Variants in CCPG1 observed in about 807,000 individuals in gnomAD.
The protein encoded by CCPG1 is cell cycle progression protein 1.
CCPG1 carries 46 observed loss-of-function variants against 81.3 expected under a neutral mutation model. The ratio of observed to expected loss-of-function variants is 0.57; its 90% CI spans 0.45 to 0.72. The LOEUF (loss-of-function observed/expected upper bound fraction) is 0.72, where lower values mean the gene tolerates loss of function less well. Ranked by LOEUF, CCPG1 falls within the 30% of genes least tolerant of loss-of-function variation. The probability of loss-of-function intolerance (pLI) is 0.00; values close to 1 mark genes in which losing one functional copy is unlikely to be tolerated. For synonymous variants in CCPG1, 330 were observed against 305.2 expected (o/e 1.08, Z -0.85); for missense variants, 902 against 937.6 (o/e 0.96, Z 0.50).
At chr15:55,379,936 T>C (rs2056646096) in intron 3 of CCPG1, among the ~76,000 whole-genome samples, 1 of 151,668 alleles carries the variant, frequency 6.6e-6, no homozygotes, top group African/African-American at 2.4e-5. Flanking sequence ...CCGTTTCTAC[T>C]AAAAATACAA....
Position 55,377,089 on chromosome 15 carries a change from T to A in CCPG1, c.314A>T (p.Asp105Val). 2 of 1,613,754 alleles carry A rather than the reference T, an allele frequency of 1.2e-6. No individual in the cohort carries two copies. Among genetic ancestry groups the A allele is most frequent in the Non-Finnish European group, 1.7e-6 (2 of 1,179,738 alleles). The change falls in exon 5 of 9, where the codon GAT becomes GTT. Residue 105 changes from aspartate to valine, a missense_variant. Asp to Val is a radical substitution (Grantham distance 152). Coordinates refer to ENST00000442196, the MANE Select transcript of CCPG1 (RefSeq NM_001204450.2). ...CTTAGGTGGCTCAAGGGTAACAATA[T>A]CAGAATCATCACTGGCAGTTCCAAT... ...IYIGTASDDS[D>V]IVTLEPPKLE...
chr15:55,384,278 T>G (rs1318986679), intron 3 of CCPG1, among the ~76,000 whole-genome samples: 3 of 152,202 alleles, frequency 2.0e-5, no homozygotes, highest in Non-Finnish European at 2.9e-5. Context: ...CGGTTCATGG[T>G]GTCCCAAAGG....
At chr15:55,405,036 C>CT (rs2057190987) in intron 1 of CCPG1, among the ~76,000 whole-genome samples, 2 of 152,146 alleles carry the variant, frequency 1.3e-5, no homozygotes, top group Admixed American at 1.3e-4. Flanking sequence ...ACCAGCCCGG[C>CT]TAACATGGCA....
chr15:55,387,304 T>A (rs1214330920), intron 2 of CCPG1, among the ~76,000 whole-genome samples: 1 of 152,202 alleles, frequency 6.6e-6, no homozygotes, highest in Non-Finnish European at 1.5e-5. Flanking sequence ...TCCTATATTG[T>A]TAATTATCCT....
intron 3 of CCPG1, among the ~76,000 whole-genome samples, chr15:55,382,596 G>A (rs1183881125): frequency 2.0e-5 from 3 of 149,822 alleles, no homozygotes; most frequent in South Asian, 2.1e-4. Flanking sequence ...TGCAAGCTCC[G>A]CCTCCCAGGT....
intron 6 of CCPG1, among the ~76,000 whole-genome samples, chr15:55,366,744 C>A (rs1017394365): frequency 6.6e-6 from 1 of 152,128 alleles, no homozygotes; most frequent in African/African-American, 2.4e-5. Flanking sequence ...TGCACTCCAG[C>A]CTGGGCAACA....
intron 3 of CCPG1, among the ~76,000 whole-genome samples, chr15:55,383,728 A>C (rs2056746816): frequency 6.6e-6 from 1 of 152,144 alleles, no homozygotes; most frequent in Non-Finnish European, 1.5e-5. Flanking sequence ...AACCTCATGA[A>C]CCAACCTCAG....
intron 3 of CCPG1, among the ~76,000 whole-genome samples, chr15:55,380,364 C>A (rs1047824799): frequency 6.6e-6 from 1 of 150,842 alleles, no homozygotes; most frequent in Non-Finnish European, 1.5e-5. Flanking sequence ...GGCGCCGTCT[C>A]GGCTCACTGC....
At chr15:55,377,363 C>T (rs552377627) in intron 4 of CCPG1, among the ~76,000 whole-genome samples, 61 of 152,312 alleles carry the variant, frequency 4.0e-4, no homozygotes, top group African/African-American at 1.3e-3. Context: ...TTAGATCAGA[C>T]CACTGCATTC....
Position 55,389,367 on chromosome 15 carries a change from C to CAT in CCPG1, c.56_57dup (p.Glu20MetfsTer6). 1 of 1,594,744 alleles carries CAT rather than the reference C, an allele frequency of 6.3e-7. No individual in the cohort carries two copies. The highest frequency in any genetic ancestry group is 1.7e-5 in the Admixed American group (1 of 59,996). ...ATAAAAAGTATTAAATATCATACCTCATGACTGATGACAGTCCAACCACAA... is the reference window on the plus strand; with the variant it reads ...ATAAAAAGTATTAAATATCATACCTCATATGACTGATGACAGTCCAACCACAA... On this transcript the variant is annotated frameshift_variant, in exon 2 of 9. Transcript: ENST00000442196. LOFTEE classifies it high-confidence loss of function.
intron 2 of CCPG1, among the ~76,000 whole-genome samples, chr15:55,388,166 A>G (rs963863909): frequency 3.9e-5 from 6 of 152,028 alleles, no homozygotes; most frequent in African/African-American, 1.4e-4. Context: ...ACTCCATCTC[A>G]AAAAAGAAAA....
At chr15:55,376,184 C>G (rs2056561171) in intron 5 of CCPG1, among the ~76,000 whole-genome samples, 1 of 152,182 alleles carries the variant, frequency 6.6e-6, no homozygotes, top group South Asian at 2.1e-4. Context: ...CAAGTTGTCT[C>G]TGCCATAACT....
intron 3 of CCPG1, among the ~76,000 whole-genome samples, chr15:55,382,573 G>A (rs112575205): frequency 0.18 from 26,709 of 149,932 alleles, 4,119 homozygotes; most frequent in African/African-American, 0.42. Context: ...GCAGTGGCGC[G>A]ATCTTGGCTC....
At chr15:55,389,218 A>T (rs1453030829) in intron 2 of CCPG1, 147 bp downstream of exon 2, 2 of 618,482 alleles carry the variant, frequency 3.2e-6, no homozygotes, top group African/African-American at 3.7e-5. Flanking sequence ...AAGCGTTTTC[A>T]GCAGTGAAGT....
intron 6 of CCPG1, among the ~76,000 whole-genome samples, chr15:55,366,324 A>C (rs511132): frequency 0.019 from 2,904 of 151,480 alleles, 88 homozygotes; most frequent in African/African-American, 0.067. Flanking sequence ...TTTTTTTTTA[A>C]TATTTTGCCT....
At chr15:55,370,809 G>A (rs1398423856) in intron 6 of CCPG1, among the ~76,000 whole-genome samples, 1 of 150,430 alleles carries the variant, frequency 6.6e-6, no homozygotes, top group African/African-American at 2.5e-5. Context: ...CCCAGAGGCA[G>A]AGGCTGCATT....
intron 6 of CCPG1, among the ~76,000 whole-genome samples, chr15:55,366,907 A>C (rs2056342122): frequency 6.6e-6 from 1 of 152,206 alleles, no homozygotes. Context: ...ATAAGGCAAA[A>C]TGCAGTTAGC....
In CCPG1 at chr15:55,389,068, C is replaced by CAAAAAAAAAA. The variant is rs373917631; in HGVS notation, c.60+287_60+296dup. On this transcript the variant is annotated intron_variant, in intron 2 of 8. Coordinates refer to ENST00000442196, the MANE Select transcript of CCPG1 (RefSeq NM_001204450.2). ...TGGGCAACAGAGTGAGACTCTGTCTCAAAAAAAAAAAAAAAAAAAAAGACA... is the reference window on the plus strand; with the variant it reads ...TGGGCAACAGAGTGAGACTCTGTCTCAAAAAAAAAAAAAAAAAAAAAAAAAAAAAAAGACA... 2.8e-3 allele frequency among the ~76,000 whole-genome samples: 157 copies of CAAAAAAAAAA among 56,234 alleles called. 4 individuals are homozygous for CAAAAAAAAAA. The highest frequency in any genetic ancestry group is 4.0e-3 in the African/African-American group (57 of 14,122). The allele number at this position is 56,234 out of a possible 152,430, so 36.9% of individuals were successfully genotyped here. A position where few individuals can be genotyped will look rare whatever the true frequency, so the allele number is the denominator to read the frequency against.
chr15:55,391,327 G>A (rs182872101), intron 1 of CCPG1, among the ~76,000 whole-genome samples: 1 of 152,314 alleles, frequency 6.6e-6, no homozygotes, highest in Admixed American at 6.5e-5. Context: ...TGTTGGCCAG[G>A]CTGGTCTGGA....
Sources: gnomAD v4.1 joint callset for allele counts (sites outside exome capture counted in the v4.1 genomes callset) on GRCh38, gnomAD v4.1.1 for gene constraint, MANE v1.5 for transcripts, NCBI Gene and HGNC (gene_info 2026-07-23, HGNC 2026-07-21) for gene names.